The following SLC9A9 variants were observed in gnomAD, a reference collection of about 807,000 sequenced individuals.
SLC9A9 encodes the protein sodium/hydrogen exchanger 9.
SLC9A9 carries 62 observed loss-of-function variants against 77.8 expected under a neutral mutation model. The observed-to-expected ratio is 0.80, with a 90% CI of 0.65 to 0.98. The LOEUF (loss-of-function observed/expected upper bound fraction) is 0.98. SLC9A9 is among the 50% of genes least tolerant of loss of function. The pLI is 0.00. For missense variants in SLC9A9, 775 were observed against 774.9 expected (o/e 1.00, Z 0.00); for synonymous variants, 320 against 283.5 (o/e 1.13, Z -1.29).
chr3:143,662,010 C>G (rs569508689), intron 5 of SLC9A9, among the ~76,000 whole-genome samples: 1 of 152,178 alleles, frequency 6.6e-6, no homozygotes, highest in Admixed American at 6.5e-5. Context: ...GGAGTGGAAC[C>G]ATCACTGACC....
At chr3:143,459,043 G>T (rs552309464) in intron 12 of SLC9A9, among the ~76,000 whole-genome samples, 2 of 151,720 alleles carry the variant, frequency 1.3e-5, no homozygotes, top group Non-Finnish European at 2.9e-5. Flanking sequence ...CTAATTAAGA[G>T]AATATTTTGT....
rs575229760 is a variant in SLC9A9, at chr3:143,763,111, C to T, written c.533+31890G>A. On this transcript the variant is annotated intron_variant, in intron 4 of 15. Coordinates refer to ENST00000316549, the MANE Select transcript of SLC9A9 (RefSeq NM_173653.4). Reference sequence around the variant, plus strand: ...ATGTCTGTAGAAGAGCCAGCTAGCCCCACTGCTTAGGCTTTTGGTGGCAGC... The same window carrying T: ...ATGTCTGTAGAAGAGCCAGCTAGCCTCACTGCTTAGGCTTTTGGTGGCAGC... Among the ~76,000 whole-genome samples the T allele has an allele frequency of 7.9e-5, 12 of 152,202 alleles. No individual in the cohort carries two copies. In the South Asian group the frequency reaches 2.5e-3, roughly 32 times the overall value.
At chr3:143,503,279 G>A (rs962856620) in intron 9 of SLC9A9, 8 of 258,910 alleles carry the variant, frequency 3.1e-5, no homozygotes, top group African/African-American at 6.9e-5. Context: ...GGTGGTCTAG[G>A]AGGCCATGTG....
At chr3:143,299,128 G>A (rs749740356) in intron 14 of SLC9A9, among the ~76,000 whole-genome samples, 1 of 152,194 alleles carries the variant, frequency 6.6e-6, no homozygotes, top group Non-Finnish European at 1.5e-5. Context: ...CAAGCAGGAA[G>A]TGGGTTGAAA....
At chr3:143,348,732 A>T (rs567804774) in intron 14 of SLC9A9, among the ~76,000 whole-genome samples, 1 of 152,244 alleles carries the variant, frequency 6.6e-6, no homozygotes, top group Non-Finnish European at 1.5e-5. Context: ...TCCCAAGCCT[A>T]TTAAAAAACA....
intron 4 of SLC9A9, among the ~76,000 whole-genome samples, chr3:143,772,217 T>A (rs553204346): frequency 6.6e-6 from 1 of 152,026 alleles, no homozygotes; most frequent in East Asian, 1.9e-4. Flanking sequence ...CCAGAGTATA[T>A]CACCTCTGTG....
intron 12 of SLC9A9, among the ~76,000 whole-genome samples, chr3:143,455,872 T>C (rs2035082417): frequency 6.6e-6 from 1 of 151,718 alleles, no homozygotes; most frequent in Non-Finnish European, 1.5e-5. Context: ...TATTTCTCTC[T>C]CTCTACACTG....
intron 12 of SLC9A9, among the ~76,000 whole-genome samples, chr3:143,399,017 A>G (rs1417848341): frequency 6.6e-6 from 1 of 152,096 alleles, no homozygotes; most frequent in Non-Finnish European, 1.5e-5. Flanking sequence ...ATACACACAC[A>G]TACATATATA....
At chr3:143,475,206 A>T (rs2108575707) in intron 11 of SLC9A9, among the ~76,000 whole-genome samples, 1 of 149,428 alleles carries the variant, frequency 6.7e-6, no homozygotes, top group East Asian at 2.0e-4. Flanking sequence ...TGACTCTGTG[A>T]TCTACCCGCC....
intron 6 of SLC9A9, among the ~76,000 whole-genome samples, chr3:143,651,504 CT>C (rs1397277877): frequency 6.6e-6 from 1 of 152,206 alleles, no homozygotes; most frequent in Non-Finnish European, 1.5e-5. Flanking sequence ...AGAATAGAAT[CT>C]TTTTGTCACA....
At chr3:143,398,103 C>T (rs1037907702) in intron 12 of SLC9A9, among the ~76,000 whole-genome samples, 5 of 152,192 alleles carry the variant, frequency 3.3e-5, no homozygotes, top group Middle Eastern at 3.4e-3. Context: ...AACTTCCCCC[C>T]CGCCACCACC....
intron 9 of SLC9A9, among the ~76,000 whole-genome samples, chr3:143,533,083 G>A (rs928167723): frequency 6.6e-6 from 1 of 152,204 alleles, no homozygotes; most frequent in Non-Finnish European, 1.5e-5. Context: ...GTGGGCCCAG[G>A]CCTGTACAGA....
At chr3:143,466,230 A>G (rs2035277887) in intron 12 of SLC9A9, among the ~76,000 whole-genome samples, 1 of 152,230 alleles carries the variant, frequency 6.6e-6, no homozygotes, top group Admixed American at 6.5e-5. Flanking sequence ...GGAGTCAGGA[A>G]GGGACTGCAT....
intron 4 of SLC9A9, among the ~76,000 whole-genome samples, chr3:143,712,386 A>T (rs1459227010): frequency 1.3e-5 from 2 of 152,342 alleles, no homozygotes; most frequent in East Asian, 3.9e-4. Context: ...TAAGTTTATT[A>T]AGCTATATAA....
rs2034948813 is a variant in SLC9A9 at position 143,449,795 on chromosome 3, ATAT to A, written c.1469+17239_1469+17241del. 5.1e-5 allele frequency among the ~76,000 whole-genome samples: 4 copies of A among 77,712 alleles called. 1 individual carries two copies. The highest frequency in any genetic ancestry group is 2.4e-4 in the African/African-American group (4 of 16,426). The allele number at this position is 77,712 out of a possible 152,430, so 51.0% of individuals were successfully genotyped here. A position where few individuals can be genotyped will look rare whatever the true frequency, so the allele number is the denominator to read the frequency against. On this transcript the variant is annotated intron_variant, in intron 12 of 15. Transcript: ENST00000316549. ...TATATATATTTATATATAATTATAT[ATAT>A]TTTATATATATAATTATATATTTAC... is the stretch of plus-strand genomic sequence containing the variant.
intron 3 of SLC9A9, 59 bp downstream of exon 3, chr3:143,796,767 A>T: frequency 8.3e-7 from 1 of 1,203,978 alleles, no homozygotes; most frequent in East Asian, 2.4e-5. Context: ...GTTTCTCATT[A>T]GTGCTGGTAA....
At chr3:143,539,897 A>T (rs77345834) in intron 9 of SLC9A9, among the ~76,000 whole-genome samples, 19,584 of 150,906 alleles carry the variant, frequency 0.13, 1,322 homozygotes, top group African/African-American at 0.15. Flanking sequence ...AGAGAGAGAG[A>T]GTGTGCAAGT....
At chr3:143,571,225 G>A (rs1237120473) in intron 8 of SLC9A9, among the ~76,000 whole-genome samples, 2 of 152,144 alleles carry the variant, frequency 1.3e-5, no homozygotes, top group Non-Finnish European at 2.9e-5. Flanking sequence ...AAGGCTCCAC[G>A]ATTGCTGGTT....
intron 14 of SLC9A9, among the ~76,000 whole-genome samples, chr3:143,334,423 A>C (rs2031864062): frequency 6.6e-6 from 1 of 152,242 alleles, no homozygotes; most frequent in Non-Finnish European, 1.5e-5. Flanking sequence ...ATGTGAGTTA[A>C]GACTTAGTCA....
Sources: gnomAD v4.1 joint callset for allele counts (sites outside exome capture counted in the v4.1 genomes callset) on GRCh38, gnomAD v4.1.1 for gene constraint, MANE v1.5 for transcripts, NCBI Gene and HGNC (gene_info 2026-07-23, HGNC 2026-07-21) for gene names.